The following AUH variants were observed in gnomAD, a reference collection of about 807,000 sequenced individuals.
AUH encodes the protein methylglutaconyl-CoA hydratase, mitochondrial.
In AUH, 29 loss-of-function variants were observed where a neutral mutation model predicts 42.3. The observed-to-expected ratio is 0.69, with a 90% CI of 0.51 to 0.93. AUH has a LOEUF of 0.93. Among genes scored for constraint, AUH ranks in the 40% least tolerant of loss-of-function variants. AUH has a pLI of 0.00. For synonymous variants in AUH, 174 were observed against 166.4 expected (o/e 1.05, Z -0.35); for missense variants, 452 against 438.1 (o/e 1.03, Z -0.28).
intron 3 of AUH, among the ~76,000 whole-genome samples, chr9:91,337,172 C>A (rs1178173202): frequency 6.6e-6 from 1 of 152,144 alleles, no homozygotes; most frequent in Non-Finnish European, 1.5e-5. Context: ...ACTGCTATAT[C>A]CTCAACAGTA....
chr9:91,291,147 C>T (rs1413120134), intron 6 of AUH, among the ~76,000 whole-genome samples: 1 of 152,204 alleles, frequency 6.6e-6, no homozygotes, highest in Admixed American at 6.5e-5. Context: ...TTTCTGTCTT[C>T]GCATCACCTT....
In AUH at chr9:91,298,105, C is replaced by T. The variant is rs200610153; in HGVS notation, c.506-29G>A. 137 of 1,523,164 alleles carry T rather than the reference C, an allele frequency of 9.0e-5. No individual in the cohort carries two copies. The East Asian group carries it at 2.8e-3, about 31-fold the overall frequency. The allele number at this position is 1,523,164 out of a possible 1,614,324, so 94.4% of individuals were successfully genotyped here. On this transcript the variant is annotated intron_variant, in intron 4 of 9. Coordinates refer to ENST00000375731, the MANE Select transcript of AUH (RefSeq NM_001698.3). The stretch of plus-strand genomic sequence containing the variant: ...AAATGGAAAGAAAATTTTATGCTTC[C>T]TTAATAAGATTATTATCTCACTGTG...
chr9:91,309,012 G>C (rs1463983234), intron 4 of AUH, among the ~76,000 whole-genome samples: 1 of 151,596 alleles, frequency 6.6e-6, no homozygotes, highest in Non-Finnish European at 1.5e-5. Context: ...GGCTGGTCTC[G>C]AACTCCTGAC....
chr9:91,321,777 A>AT (rs1157370565), intron 4 of AUH, among the ~76,000 whole-genome samples: 1 of 152,194 alleles, frequency 6.6e-6, no homozygotes, highest in East Asian at 1.9e-4. Context: ...ATGCATAAAA[A>AT]TCAAATGAAA....
At position 91,214,245 on chromosome 9, in the gene AUH, C is replaced by G. The variant is rs558405507; in HGVS notation, c.*103G>C. On this transcript the variant is annotated 3_prime_UTR_variant, in exon 10 of 10. Transcript: ENST00000375731. ...CACCGTATGAATAATCTGCTCTTCA[C>G]TTTGGTCATTAAGGTTCCATGTGCT... 1 of 968,856 alleles carries G rather than the reference C, an allele frequency of 1.0e-6. No individual in the cohort carries two copies. Among genetic ancestry groups the G allele is most frequent in the East Asian group, 2.6e-5 (1 of 37,926 alleles). The allele number at this position is 968,856 out of a possible 1,614,324, so 60.0% of individuals were successfully genotyped here.
intron 4 of AUH, among the ~76,000 whole-genome samples, chr9:91,316,149 T>C (rs1476533973): frequency 6.6e-6 from 1 of 152,228 alleles, no homozygotes; most frequent in Non-Finnish European, 1.5e-5. Context: ...CTAGGACACA[T>C]GTGCAAAATG....
intron 4 of AUH, among the ~76,000 whole-genome samples, chr9:91,320,170 A>C (rs1009398862): frequency 2.0e-5 from 3 of 152,176 alleles, no homozygotes; most frequent in Non-Finnish European, 2.9e-5. Flanking sequence ...ATTCTTTTCC[A>C]TTATAGTTTC....
chr9:91,234,137 G>GGA (rs1828044198), intron 6 of AUH, among the ~76,000 whole-genome samples: 2 of 152,066 alleles, frequency 1.3e-5, no homozygotes. Context: ...TCTTGCTTTT[G>GGA]GAGACCCCTT....
chr9:91,346,791 A>T (rs1564124361), intron 3 of AUH, among the ~76,000 whole-genome samples: 1 of 152,002 alleles, frequency 6.6e-6, no homozygotes, highest in Non-Finnish European at 1.5e-5. Context: ...GTCTGAAACA[A>T]CCAGCTATAG....
chr9:91,251,175 T>A (rs1402091942), intron 6 of AUH, among the ~76,000 whole-genome samples: 1 of 152,152 alleles, frequency 6.6e-6, no homozygotes, highest in African/African-American at 2.4e-5. Context: ...TTATGAACAT[T>A]CCGGGAGGTC....
intron 6 of AUH, among the ~76,000 whole-genome samples, chr9:91,233,965 T>C (rs1828034768): frequency 6.6e-6 from 1 of 152,194 alleles, no homozygotes; most frequent in Non-Finnish European, 1.5e-5. Context: ...GAGGGAGAAT[T>C]ATGGTCATGA....
At chr9:91,355,522 A>G (rs1188270028) in intron 3 of AUH, among the ~76,000 whole-genome samples, 1 of 152,072 alleles carries the variant, frequency 6.6e-6, no homozygotes, top group Admixed American at 6.6e-5. Flanking sequence ...ACGCCACTGC[A>G]GCCTGGGTGA....
intron 4 of AUH, among the ~76,000 whole-genome samples, chr9:91,315,733 T>C (rs1248931470): frequency 6.6e-6 from 1 of 152,190 alleles, no homozygotes; most frequent in African/African-American, 2.4e-5. Flanking sequence ...ATAATCATAA[T>C]AAACTCCAAC....
intron 3 of AUH, among the ~76,000 whole-genome samples, chr9:91,329,010 A>G (rs1269009370): frequency 6.6e-6 from 1 of 152,150 alleles, no homozygotes; most frequent in Non-Finnish European, 1.5e-5. Flanking sequence ...CTATAAATAA[A>G]TTCATACAAT....
chr9:91,228,267 G>A (rs371393203), intron 6 of AUH, among the ~76,000 whole-genome samples: 2 of 152,096 alleles, frequency 1.3e-5, no homozygotes, highest in South Asian at 2.1e-4. Flanking sequence ...CAACTTCTTC[G>A]TGGTTTAGTC....
chr9:91,240,331 T>C (rs1444309924), intron 6 of AUH, among the ~76,000 whole-genome samples: 1 of 152,174 alleles, frequency 6.6e-6, no homozygotes, highest in Non-Finnish European at 1.5e-5. Flanking sequence ...CTCAGATGCT[T>C]GCCCTGGTGG....
intron 4 of AUH, among the ~76,000 whole-genome samples, chr9:91,312,892 T>C (rs74882867): frequency 1.1e-4 from 17 of 152,290 alleles, no homozygotes; most frequent in African/African-American, 3.8e-4. Context: ...AATTGAGTTA[T>C]AGATCCAATT....
At chr9:91,298,121 TCTCA>T (rs1382135076) in intron 4 of AUH, 45 bp from the exon 5 acceptor site, 1 of 1,424,560 alleles carries the variant, frequency 7.0e-7, no homozygotes. Flanking sequence ...AAGATTATTA[TCTCA>T]CTGTGTAATT....
chr9:91,283,340 C>A (rs1826130412), intron 6 of AUH, among the ~76,000 whole-genome samples: 1 of 152,142 alleles, frequency 6.6e-6, no homozygotes, highest in Non-Finnish European at 1.5e-5. Flanking sequence ...TTATGACAAA[C>A]CCACAGCCAA....
Sources: allele counts gnomAD v4.1 joint callset (sites outside exome capture counted in the v4.1 genomes callset), GRCh38; gene constraint gnomAD v4.1.1; transcripts MANE v1.5; gene names NCBI Gene and HGNC (gene_info 2026-07-23, HGNC 2026-07-21).